The following KCP variants were observed in gnomAD, a reference collection of about 807,000 sequenced individuals.
KCP encodes kielin/chordin-like protein.
A neutral mutation model predicts 212.7 loss-of-function variants in KCP; 194 were observed. That is an observed-to-expected ratio of 0.91 (90% CI 0.81 to 1.03). KCP has a LOEUF of 1.03. Ranked by LOEUF, KCP falls within the 50% of genes least tolerant of loss-of-function variation. KCP has a pLI of 0.00. For missense variants in KCP, 2,080 were observed against 2,162.5 expected (o/e 0.96, Z 0.76); for synonymous variants, 833 against 865.3 (o/e 0.96, Z 0.65).
chr7:128,904,413 C>T (rs1488526505), intron 5 of KCP: 9 of 1,423,048 alleles, frequency 6.3e-6, no homozygotes, highest in Non-Finnish European at 8.7e-6. Context: ...GCCCTCCCTT[C>T]CCCCACCATC....
intron 5 of KCP, 80 bp from the exon 6 acceptor site, chr7:128,904,218 A>C: frequency 1.3e-6 from 2 of 1,527,268 alleles, no homozygotes; most frequent in African/African-American, 2.8e-5. Context: ...GCATGACCCC[A>C]AGTAGGTACT....
chr7:128,906,761 TAGG>T (rs1392551556), intron 4 of KCP, among the ~76,000 whole-genome samples: 1 of 151,990 alleles, frequency 6.6e-6, no homozygotes, highest in African/African-American at 2.4e-5. Flanking sequence ...GGAGGTGATA[TAGG>T]AGGACAAGCA....
At chr7:128,885,073 C>T in intron 27 of KCP, 24 bp downstream of exon 27, 2 of 1,550,486 alleles carry the variant, frequency 1.3e-6, no homozygotes, top group Non-Finnish European at 1.7e-6. Context: ...TCGCCTTTCC[C>T]CTCCCGCCCC....
At chr7:128,892,485 C>T (rs1339454076) in intron 16 of KCP, 29 bp downstream of exon 16, 3 of 1,446,570 alleles carry the variant, frequency 2.1e-6, no homozygotes, top group Non-Finnish European at 1.8e-6. Flanking sequence ...GGGCCCTGAT[C>T]CCCTCAGGCC....
intron 6 of KCP, 95 bp downstream of exon 6, chr7:128,903,961 A>G: frequency 7.3e-7 from 1 of 1,363,928 alleles, no homozygotes; most frequent in African/African-American, 1.4e-5. Context: ...CTCGGGAGGC[A>G]TGTGAGGGGG....
rs138089373 is a variant in KCP at position 128,881,535 on chromosome 7, C to T, written c.3424+91G>A. The stretch of plus-strand genomic sequence containing the variant: ...CTGTTCTAGAAACCGAGTACAAACC[C>T]TGGGCTGCCCGCTTGGCCCATGAAT... On this transcript the variant is annotated intron_variant, in intron 31 of 39. Coordinates refer to ENST00000610776, the MANE Select transcript of KCP (RefSeq NM_001366122.1). The T allele has an allele frequency of 5.8e-6, 5 of 858,616 alleles. No homozygotes were observed. The East Asian group carries it at 1.5e-4, about 25-fold the overall frequency. 53.2% of individuals were successfully genotyped at this position (858,616 alleles called of 1,614,324 possible).
intron 2 of KCP, among the ~76,000 whole-genome samples, 180 bp from the exon 3 acceptor site, chr7:128,907,633 C>A (rs1197445047): frequency 6.6e-6 from 1 of 152,194 alleles, no homozygotes; most frequent in East Asian, 1.9e-4. Flanking sequence ...GGGCACGGGC[C>A]CCAATCTCTC....
At position 128,893,831 on chromosome 7, in the gene KCP, A is replaced by T. The variant is rs1373916540; in HGVS notation, c.1074T>A (p.Pro358=). 1.3e-6 allele frequency: 2 copies of T among 1,550,996 alleles called. No individual in the cohort carries two copies. The highest frequency in any genetic ancestry group is 3.9e-5 in the Admixed American group (2 of 50,970). Residue 358 remains proline (P), a synonymous_variant, in exon 11 of 40, where the codon CCT becomes CCA. Coordinates refer to ENST00000610776, the MANE Select transcript of KCP (RefSeq NM_001366122.1). ...PVPCRHPGKI[P]GQCCPVCDGC... ...CATCGCAGACAGGGCAGCACTGCCC[A>T]GGGATCTTGCCTGGGTGTCTGCAGG...
In KCP at chr7:128,888,884, G is replaced by T. The variant is rs1222517131; in HGVS notation, c.2491C>A (p.His831Asn). ...GCSHPLIPSGHCCPTCQGCRY... is the reference protein window; with the variant it reads ...GCSHPLIPSGNCCPTCQGCRY... ...CTACCCTGGCAGGTCGGGCAGCAGT[G>T]CCCAGAGGGGATGAGTGGGTGGCTG... The change falls in exon 22 of 40, where the codon CAC (histidine) becomes AAC (asparagine). Residue 831 changes from histidine to asparagine, a missense_variant. By Grantham distance (68) the His-to-Asn change is moderately conservative. Transcript: ENST00000610776. The T allele has an allele frequency of 2.9e-5, 45 of 1,549,934 alleles. 2 individuals carry two copies. Among genetic ancestry groups the T allele is most frequent in the South Asian group, 1.2e-5 (1 of 84,000 alleles).
At position 128,891,659 on chromosome 7, in the gene KCP, C is replaced by T. The variant is rs1400843604; in HGVS notation, c.1782G>A (p.Pro594=). The T allele has an allele frequency of 9.6e-6, 14 of 1,460,634 alleles. No homozygotes were observed. Among genetic ancestry groups the T allele is most frequent in the Non-Finnish European group, 1.3e-5 (14 of 1,104,512 alleles). 90.5% of individuals were successfully genotyped at this position (1,460,634 alleles called of 1,614,324 possible). A position where few individuals can be genotyped will look rare whatever the true frequency, so the allele number is the denominator to read the frequency against. Residue 594 remains proline, a synonymous_variant, in exon 17 of 40, where the codon CCG becomes CCA. Transcript: ENST00000610776. ...CGCCCACCTCACCGCTGCAGTCGTT[C>T]GGGCAGCAGGTCCCAGGCAGCGGGT... The part of the protein sequence containing the change: ...CAHPLPGTCC[P]NDCSGCAFGG...
intron 5 of KCP, among the ~76,000 whole-genome samples, chr7:128,905,401 T>C (rs1291228005): frequency 6.6e-6 from 1 of 152,172 alleles, no homozygotes; most frequent in East Asian, 1.9e-4. Context: ...TGCATAGCCA[T>C]GACCTCCTCT....
chr7:128,892,772 G>A lies in KCP; in HGVS notation c.1443C>T (p.Asp481=). ...ACACTTGGCTGTGGTAGGTGCAGCT[G>A]TCACAGCTGGGGCAGCAGGCACCTG... is the stretch of plus-strand genomic sequence containing the variant. The part of the protein sequence containing the change: ...QPPGACCPSC[D]SCTYHSQVYA... Residue 481 remains aspartate (D), a synonymous_variant, in exon 15 of 40, where the codon GAC becomes GAT. Transcript: ENST00000610776. 2.6e-6 allele frequency: 4 copies of A among 1,551,678 alleles called. No individual in the cohort carries two copies. Among genetic ancestry groups the A allele is most frequent in the Non-Finnish European group, 3.5e-6 (4 of 1,146,928 alleles).
At chr7:128,883,141 CTTTCT>C (rs1793432961) in intron 29 of KCP, among the ~76,000 whole-genome samples, 3 of 149,522 alleles carry the variant, frequency 2.0e-5, no homozygotes, top group Admixed American at 2.0e-4. Flanking sequence ...TATGTTTTTT[CTTTCT>C]TTTTTTTTTT....
At chr7:128,908,664 T>C in intron 1 of KCP, 96 bp from the exon 2 acceptor site, 1 of 1,342,566 alleles carries the variant, frequency 7.4e-7, no homozygotes, top group Non-Finnish European at 1.0e-6. Flanking sequence ...GGGAAGGGGG[T>C]CATCCTGTGC....
chr7:128,910,573 A>C, intron 1 of KCP, 28 bp downstream of exon 1: 6 of 1,505,500 alleles, frequency 4.0e-6, no homozygotes, highest in Admixed American at 2.1e-5. Context: ...ACCTGGCCGG[A>C]CCCCAAGCCT....
chr7:128,887,348 C>CCCCCTCCA lies in KCP; in HGVS notation c.2513-49_2513-48insTGGAGGGG, dbSNP rs1585209036. Reference sequence around the variant, plus strand: ...AGAAGAGCTGCCATCAACAGAACCTCCACTGTCACACACACACACAGCCCC... The same window carrying CCCCCTCCA: ...AGAAGAGCTGCCATCAACAGAACCTCCCCCTCCACACTGTCACACACACACACAGCCCC... On this transcript the variant is annotated intron_variant, in intron 22 of 39. Transcript: ENST00000610776. 49 of 1,380,580 alleles carry CCCCCTCCA rather than the reference C, an allele frequency of 3.5e-5. No individual in the cohort carries two copies. The East Asian group carries it at 1.2e-3, about 34-fold the overall frequency. The allele number at this position is 1,380,580 out of a possible 1,614,324, so 85.5% of individuals were successfully genotyped here. A position where few individuals can be genotyped will look rare whatever the true frequency, so the allele number is the denominator to read the frequency against.
At chr7:128,880,207 G>T in intron 34 of KCP, 122 bp from the exon 35 acceptor site, 1 of 1,311,386 alleles carries the variant, frequency 7.6e-7, no homozygotes, top group Non-Finnish European at 1.0e-6. Context: ...CTGGCTCCCA[G>T]GCTCCCTGTG....
intron 8 of KCP, among the ~76,000 whole-genome samples, chr7:128,897,106 A>G (rs1252970644): frequency 6.6e-6 from 1 of 152,080 alleles, no homozygotes. Context: ...TGATTAATGG[A>G]AAAGAAGAAT....
At chr7:128,908,656 G>C in intron 1 of KCP, 88 bp from the exon 2 acceptor site, 2 of 1,395,320 alleles carry the variant, frequency 1.4e-6, no homozygotes, top group Non-Finnish European at 1.9e-6. Flanking sequence ...ACCCACAGGG[G>C]AAGGGGGTCA....
Sources: gnomAD v4.1 joint callset for allele counts (sites outside exome capture counted in the v4.1 genomes callset) on GRCh38, gnomAD v4.1.1 for gene constraint, MANE v1.5 for transcripts, NCBI Gene and HGNC (gene_info 2026-07-23, HGNC 2026-07-21) for gene names.